Variants in HECTD3 observed in about 807,000 individuals in gnomAD.
HECTD3 encodes the protein E3 ubiquitin-protein ligase HECTD3.
HECTD3 carries 72 observed loss-of-function variants against 109.3 expected under a neutral mutation model. The ratio of observed to expected loss-of-function variants is 0.66; its 90% CI spans 0.54 to 0.80. The LOEUF (loss-of-function observed/expected upper bound fraction) is 0.80, where lower values mean the gene tolerates loss of function less well. HECTD3 is among the 30% of genes least tolerant of loss of function. HECTD3 has a pLI of 0.00. For missense variants in HECTD3, 1,041 were observed against 1,165.2 expected, an observed-to-expected ratio of 0.89 and a Z score of 1.55; for synonymous variants, 481 against 471.8, an observed-to-expected ratio of 1.02 and a Z score of -0.25.
Position 45,003,409 on chromosome 1 carries a change from C to T in HECTD3, c.*83G>A. The T allele has an allele frequency of 7.9e-7, 1 of 1,272,980 alleles. No homozygotes were observed. Among genetic ancestry groups the T allele is most frequent in the Non-Finnish European group, 1.1e-6 (1 of 877,562 alleles). 78.9% of individuals were successfully genotyped at this position (1,272,980 alleles called of 1,614,324 possible). On this transcript the variant is annotated 3_prime_UTR_variant, in exon 21 of 21. Transcript: ENST00000372172. This position sits in a 1 kb window ranked among gnomAD's most constrained non-coding sequence, Gnocchi z 4.7. ...GTTTTGCTGAGCACGTCAGCCAAAC[C>T]AGGGCAGGGAAGGTGTCTTCGCCCT...
chr1:45,004,418 C>T (rs770338516), intron 16 of HECTD3, 41 bp from the exon 17 acceptor site: 7 of 1,613,104 alleles, frequency 4.3e-6, no homozygotes, highest in African/African-American at 1.3e-5. Flanking sequence ...GAAGAGGGCA[C>T]ACCTCCCGCC....
Position 45,005,774 on chromosome 1 carries a change from T to G in HECTD3, c.1935+20A>C, listed in dbSNP as rs905124321. On this transcript the variant is annotated intron_variant, in intron 15 of 20. Coordinates refer to ENST00000372172, the MANE Select transcript of HECTD3 (RefSeq NM_024602.6). ...TTTAGGGGCTGGGCAGAGGAAACAC[T>G]GGTTCCAGGTCCTACTCACCAGCAC... 18 of 1,559,944 alleles carry G rather than the reference T, an allele frequency of 1.2e-5. No individual in the cohort carries two copies. The highest frequency in any genetic ancestry group is 1.6e-5 in the Non-Finnish European group (18 of 1,156,000).
Position 45,006,226 on chromosome 1 carries a change from T to G in HECTD3, c.1726-110A>C. On this transcript the variant is annotated intron_variant, in intron 13 of 20. Transcript: ENST00000372172. This position sits in a 1 kb window ranked among gnomAD's most constrained non-coding sequence, Gnocchi z 4.7. Reference sequence around the variant, plus strand: ...GGAACATTTTCCACTAAATGATCCCTTCAAATGCACAGTGGCTCCTCCTCT... The same window carrying G: ...GGAACATTTTCCACTAAATGATCCCGTCAAATGCACAGTGGCTCCTCCTCT... 1 of 1,415,096 alleles carries G rather than the reference T, an allele frequency of 7.1e-7. No homozygotes were observed. Among genetic ancestry groups the G allele is most frequent in the Non-Finnish European group, 9.8e-7 (1 of 1,024,332 alleles). The allele number at this position is 1,415,096 out of a possible 1,614,324, so 87.7% of individuals were successfully genotyped here. A position where few individuals can be genotyped will look rare whatever the true frequency, so the allele number is the denominator to read the frequency against.
In HECTD3 at chr1:45,009,881, G is replaced by A. The variant is rs746838952; in HGVS notation, c.759+105C>T. 2.7e-4 allele frequency: 373 copies of A among 1,383,660 alleles called. 1 individual carries two copies. Among genetic ancestry groups the A allele is most frequent in the Non-Finnish European group, 3.4e-4 (346 of 1,015,182 alleles). The allele number at this position is 1,383,660 out of a possible 1,614,324, so 85.7% of individuals were successfully genotyped here. ...GGAGCTGAACTGAGTGTGGCCTGTG[G>A]GGACCCTGTTTTAGTCCTGGCCTGC... On this transcript the variant is annotated intron_variant, in intron 4 of 20. Coordinates refer to ENST00000372172, the MANE Select transcript of HECTD3 (RefSeq NM_024602.6).
At chr1:45,004,500 T>G in intron 16 of HECTD3, 100 bp downstream of exon 16, 5 of 1,591,370 alleles carry the variant, frequency 3.1e-6, no homozygotes, top group Non-Finnish European at 4.3e-6. Flanking sequence ...GGGGCCAGAG[T>G]TCTTGGAGTA....
rs1366987833 is a variant in HECTD3 at position 45,003,900 on chromosome 1, C to T, written c.2384G>A (p.Arg795His). 2 of 1,613,192 alleles carry T rather than the reference C, an allele frequency of 1.2e-6. No individual in the cohort carries two copies. Among genetic ancestry groups the T allele is most frequent in the Non-Finnish European group, 1.7e-6 (2 of 1,179,616 alleles). Reference protein sequence around the residue: ...RSRFLRFVTGRSRLPARIYIY... With the variant: ...RSRFLRFVTGHSRLPARIYIY... ...GTAGATCCGTGCTGGCAGGCGACTG[C>T]GGCCCGTGACAAAGCGCAGGAAGCG... The change falls in exon 19 of 21, where the codon CGC (arginine) becomes CAC (histidine). Residue 795 changes from arginine to histidine, a missense_variant. This residue lies in a region of HECTD3 where 569 missense variants were observed against 715.3 expected (regional missense o/e 0.80). Coordinates refer to ENST00000372172, the MANE Select transcript of HECTD3 (RefSeq NM_024602.6). This position sits in a 1 kb window ranked among gnomAD's most constrained non-coding sequence, Gnocchi z 4.7.
Position 45,006,073 on chromosome 1 carries a change from G to A in HECTD3, c.1769C>T (p.Pro590Leu). Residue 590 changes from proline to leucine, a missense_variant, in exon 14 of 21, where the codon CCC becomes CTC. By Grantham distance (98) the Pro-to-Leu change is moderately conservative. This residue lies in a region of HECTD3 where 569 missense variants were observed against 715.3 expected (regional missense o/e 0.80). Coordinates refer to ENST00000372172, the MANE Select transcript of HECTD3 (RefSeq NM_024602.6). The surrounding 1 kb of genome is among the most constrained non-coding windows in gnomAD (Gnocchi z 4.7). ...ATACTTGGCAAAGTCTCGGCAGGAG[G>A]GGTTGGGTACATACATGTCCCGAGC... Reference protein sequence around the residue: ...GEARDMYVPNPSCRDFAKYEW... With the variant: ...GEARDMYVPNLSCRDFAKYEW... The A allele has an allele frequency of 6.2e-7, 1 of 1,614,162 alleles. No individual in the cohort carries two copies. Among genetic ancestry groups the A allele is most frequent in the Non-Finnish European group, 8.5e-7 (1 of 1,180,026 alleles).
chr1:45,005,193 T>C, intron 15 of HECTD3: 2 of 339,552 alleles, frequency 5.9e-6, no homozygotes, highest in Non-Finnish European at 1.1e-5. Flanking sequence ...AGATTCTGCA[T>C]TCTATCCTAA....
chr1:45,008,140 TC>T, intron 9 of HECTD3, 99 bp downstream of exon 9: 1 of 892,286 alleles, frequency 1.1e-6, no homozygotes, highest in African/African-American at 1.7e-5. Context: ...CCAGCAAAGG[TC>T]TTGCCCTAGA....
chr1:45,005,754 G>T (rs773181966), intron 15 of HECTD3, 40 bp downstream of exon 15: 6 of 1,518,558 alleles, frequency 4.0e-6, no homozygotes, highest in Non-Finnish European at 5.3e-6. Flanking sequence ...CAACCTTTAG[G>T]GGCTGGGCAG....
chr1:45,007,186 G>A (rs373128769), intron 11 of HECTD3, 33 bp downstream of exon 11: 4 of 1,583,614 alleles, frequency 2.5e-6, no homozygotes, highest in East Asian at 2.2e-5. Context: ...ACAAACAGGT[G>A]TCCCGAGTAA....
intron 2 of HECTD3, 39 bp downstream of exon 2, chr1:45,010,507 G>A: frequency 6.2e-7 from 1 of 1,611,376 alleles, no homozygotes; most frequent in Middle Eastern, 1.7e-4. Context: ...TCCTGGCCCG[G>A]CCTTCTGACA....
At chr1:45,008,508 G>T (rs1250910240) in intron 8 of HECTD3, 28 bp downstream of exon 8, 4 of 1,606,386 alleles carry the variant, frequency 2.5e-6, no homozygotes, top group Non-Finnish European at 3.4e-6. Flanking sequence ...GGGAAGGGAA[G>T]GGCCCATAGG....
rs1644734272 is a variant in HECTD3, at chr1:45,006,253, CCT to C, written c.1726-139_1726-138del. ...CAAATGCACAGTGGCTCCTCCTCTC[CCT>C]GTCTGCCCAGAGGTTGCCCTGAGCA... On this transcript the variant is annotated intron_variant, in intron 13 of 20. Transcript: ENST00000372172. This position sits in a 1 kb window ranked among gnomAD's most constrained non-coding sequence, Gnocchi z 4.7. 3 of 1,137,968 alleles carry C rather than the reference CCT, an allele frequency of 2.6e-6. No individual in the cohort carries two copies. The highest frequency in any genetic ancestry group is 2.1e-5 in the Admixed American group (1 of 47,574). 70.5% of individuals were successfully genotyped at this position (1,137,968 alleles called of 1,614,324 possible). A position where few individuals can be genotyped will look rare whatever the true frequency, so the allele number is the denominator to read the frequency against.
intron 16 of HECTD3, 24 bp from the exon 17 acceptor site, chr1:45,004,401 G>C: frequency 6.2e-7 from 1 of 1,613,714 alleles, no homozygotes; most frequent in Non-Finnish European, 8.5e-7. Context: ...AAAAAGGCTT[G>C]GCTGGGGAAG....
At chr1:45,008,802 T>C (rs1194830874) in intron 7 of HECTD3, 101 bp from the exon 8 acceptor site, 2 of 1,155,174 alleles carry the variant, frequency 1.7e-6, no homozygotes, top group Non-Finnish European at 2.5e-6. Context: ...TGTGTCACCG[T>C]TAGCCCCTAG....
In HECTD3 at chr1:45,009,409, C is replaced by G; in HGVS notation, c.949G>C (p.Gly317Arg). The G allele has an allele frequency of 6.2e-7, 1 of 1,614,128 alleles. No individual in the cohort carries two copies. The highest frequency in any genetic ancestry group is 8.5e-7 in the Non-Finnish European group (1 of 1,179,980). The change falls in exon 6 of 21, where the codon GGG (glycine) becomes CGG (arginine). Residue 317 changes from glycine to arginine, a missense_variant. This residue lies in a region of HECTD3 where 472 missense variants were observed against 449.9 expected (regional missense o/e 1.05). Transcript: ENST00000372172. ...PKRVVVYGGE[G>R]DNLKKLSDVS... ...TCACTCAGCTTCTTCAGGTTGTCCC[C>G]TTCACCCCCATAGACCACCACCCGC...
rs143718794 is a variant in HECTD3 at position 45,008,782 on chromosome 1, C to T, written c.1073-81G>A. The T allele has an allele frequency of 2.0e-4, 272 of 1,378,846 alleles. 1 individual carries two copies. Among genetic ancestry groups the T allele is most frequent in the Non-Finnish European group, 1.8e-4 (175 of 984,876 alleles). 85.4% of individuals were successfully genotyped at this position (1,378,846 alleles called of 1,614,324 possible). On this transcript the variant is annotated intron_variant, in intron 7 of 20. Transcript: ENST00000372172. ...TCAGACCTGGGACCGGCTCCTTGAA[C>T]GCTCAGCCTTGTGTCACCGTTAGCC...
rs1409518413 is a variant in HECTD3 at position 45,010,946 on chromosome 1, C to G, written c.312G>C (p.Val104=). 1 of 1,536,520 alleles carries G rather than the reference C, an allele frequency of 6.5e-7. No individual in the cohort carries two copies. The highest frequency in any genetic ancestry group is 2.1e-5 in the Admixed American group (1 of 46,972). The part of the protein sequence containing the change: ...DSIELRRGAC[V]RTTGEELCNG... ...TGCACAGCTCCTCGCCCGTGGTGCG[C>G]ACGCAGGCGCCGCGCCGGAGCTCAA... is the stretch of plus-strand genomic sequence containing the variant. The change falls in exon 1 of 21, where the codon GTG becomes GTC. Residue 104 remains valine, a synonymous_variant. Transcript: ENST00000372172.
Sources: allele counts gnomAD v4.1 joint callset, GRCh38; gene constraint gnomAD v4.1.1; regional missense constraint gnomAD v4.1.1; non-coding constraint Gnocchi (gnomAD v3.1); transcripts MANE v1.5; gene names NCBI Gene and HGNC (gene_info 2026-07-23, HGNC 2026-07-21).